The following NDRG3 variants were observed in gnomAD, a reference collection of about 807,000 sequenced individuals.
NDRG3 encodes protein NDRG3.
NDRG3 carries 23 observed loss-of-function variants against 57.2 expected under a neutral mutation model. The ratio of observed to expected loss-of-function variants is 0.40; its 90% CI spans 0.29 to 0.57. NDRG3 has a LOEUF of 0.57. NDRG3 is among the 20% of genes least tolerant of loss of function. The pLI is 0.42. For missense variants in NDRG3, 384 were observed against 457.3 expected (o/e 0.84, Z 1.46); for synonymous variants, 132 against 162.6 (o/e 0.81, Z 1.43).
At chr20:36,707,031 C>CA (rs1190563662) in intron 2 of NDRG3, 24 bp from the exon 3 acceptor site, 1 of 1,611,724 alleles carries the variant, frequency 6.2e-7, no homozygotes, top group East Asian at 2.2e-5. Context: ...ACAGAAAACA[C>CA]AGTCAGTTTC....
In NDRG3 at chr20:36,663,007, T is replaced by C. The variant is rs556187029; in HGVS notation, c.810+2039A>G. Among the ~76,000 whole-genome samples, 4 of 152,342 alleles carry C rather than the reference T, an allele frequency of 2.6e-5. No individual in the cohort carries two copies. The East Asian group carries it at 7.7e-4, about 29-fold the overall frequency. ...ATTAGGAATATTTTCTAAAAATATTTTCCTGTATTAAGTATATATGTTCAT... is the reference window on the plus strand; with the variant it reads ...ATTAGGAATATTTTCTAAAAATATTCTCCTGTATTAAGTATATATGTTCAT... On this transcript the variant is annotated intron_variant, in intron 12 of 15. Coordinates refer to ENST00000349004, the MANE Select transcript of NDRG3 (RefSeq NM_032013.4).
chr20:36,686,394 A>C (rs1441089345), intron 5 of NDRG3, among the ~76,000 whole-genome samples: 2 of 152,232 alleles, frequency 1.3e-5, no homozygotes, highest in Non-Finnish European at 2.9e-5. Flanking sequence ...GGTTGTGAGG[A>C]GTAAATGAGT....
intron 2 of NDRG3, among the ~76,000 whole-genome samples, chr20:36,715,739 G>A (rs1163651905): frequency 1.3e-5 from 2 of 151,074 alleles, no homozygotes; most frequent in African/African-American, 2.4e-5. Flanking sequence ...CCAAGTAGGT[G>A]GGAATTGCTT....
intron 3 of NDRG3, among the ~76,000 whole-genome samples, chr20:36,692,666 G>C (rs1982365350): frequency 6.6e-6 from 1 of 152,060 alleles, no homozygotes; most frequent in Non-Finnish European, 1.5e-5. Context: ...TATAATCTAA[G>C]GCTGGGGCCT....
intron 1 of NDRG3, among the ~76,000 whole-genome samples, chr20:36,732,660 A>G (rs1383341835): frequency 3.3e-5 from 5 of 152,100 alleles, no homozygotes; most frequent in African/African-American, 1.2e-4. Flanking sequence ...CACCAGCATG[A>G]GCCTTACTAC....
intron 1 of NDRG3, among the ~76,000 whole-genome samples, chr20:36,743,902 C>CTTTTTT (rs1188148076): frequency 3.4e-5 from 4 of 119,024 alleles, no homozygotes; most frequent in African/African-American, 7.3e-5. Flanking sequence ...CATAAACAAG[C>CTTTTTT]TTTTTTTTTT....
chr20:36,665,970 C>A (rs1005183822), intron 10 of NDRG3, among the ~76,000 whole-genome samples: 1 of 152,082 alleles, frequency 6.6e-6, no homozygotes, highest in Non-Finnish European at 1.5e-5. Flanking sequence ...GGGGTGTTTT[C>A]CTTGTAACTG....
chr20:36,712,336 TAAA>T (rs1983935011), intron 2 of NDRG3, among the ~76,000 whole-genome samples: 1 of 151,190 alleles, frequency 6.6e-6, no homozygotes, highest in Non-Finnish European at 1.5e-5. Context: ...GGGGGCATTC[TAAA>T]AGGCTGAGTA....
chr20:36,727,531 CTTTT>C (rs1985012498), intron 1 of NDRG3, among the ~76,000 whole-genome samples: 2 of 150,290 alleles, frequency 1.3e-5, no homozygotes, highest in South Asian at 2.1e-4. Context: ...TTCTTTCTTT[CTTTT>C]TTCTTTTCTT....
intron 5 of NDRG3, among the ~76,000 whole-genome samples, chr20:36,685,490 T>C (rs538753441): frequency 6.6e-6 from 1 of 152,132 alleles, no homozygotes; most frequent in South Asian, 2.1e-4. Flanking sequence ...TTTCAATTTT[T>C]TGTAGAGATG....
chr20:36,677,287 G>C (rs1404505296), intron 8 of NDRG3, among the ~76,000 whole-genome samples: 1 of 152,218 alleles, frequency 6.6e-6, no homozygotes, highest in Non-Finnish European at 1.5e-5. Context: ...CGCAGGCAGA[G>C]TCCTGGGCAG....
Position 36,679,796 on chromosome 20 carries a change from G to A in NDRG3, c.531+1020C>T, listed in dbSNP as rs1010265114. On this transcript the variant is annotated intron_variant, in intron 8 of 15. Coordinates refer to ENST00000349004, the MANE Select transcript of NDRG3 (RefSeq NM_032013.4). ...TGGAATTACAGGCGTGAGCCACCGC[G>A]CCTGGCCAAATTGTAATTTATTTAT... Among the ~76,000 whole-genome samples, 5 of 151,852 alleles carry A rather than the reference G, an allele frequency of 3.3e-5. No individual in the cohort carries two copies. In the South Asian group the frequency reaches 6.3e-4, roughly 19 times the overall value.
intron 3 of NDRG3, among the ~76,000 whole-genome samples, chr20:36,706,393 T>C (rs1327073659): frequency 6.6e-6 from 1 of 152,204 alleles, no homozygotes; most frequent in Non-Finnish European, 1.5e-5. Context: ...TCCAATATCA[T>C]GTGAGGAAAA....
At chr20:36,665,322 C>T in intron 10 of NDRG3, 21 bp from the exon 11 acceptor site, 1 of 1,612,876 alleles carries the variant, frequency 6.2e-7, no homozygotes, top group South Asian at 1.1e-5. Context: ...AAAGCAGAAG[C>T]AATGCCCTTT....
chr20:36,663,843 C>T (rs769619899), intron 12 of NDRG3, among the ~76,000 whole-genome samples: 7 of 152,108 alleles, frequency 4.6e-5, no homozygotes, highest in Non-Finnish European at 1.0e-4. Context: ...GAGTCTTTCT[C>T]TGTCTTGCCC....
chr20:36,721,151 C>T (rs1600952953), intron 2 of NDRG3, among the ~76,000 whole-genome samples: 1 of 151,960 alleles, frequency 6.6e-6, no homozygotes, highest in Admixed American at 6.6e-5. Flanking sequence ...ATACAAAAAT[C>T]TCAAAGATAA....
chr20:36,666,354 G>C lies in NDRG3; in HGVS notation c.627C>G (p.Tyr209Ter). ...LQANLDLIQT[Y>*]RMHIAQDINQ... is the part of the protein sequence containing the mutation. Reference sequence around the variant, plus strand: ...TGATGTCTTGGGCAATATGCATTCTGTAGGTTTGGATCAGGTCCAGGTTGG... The same window carrying C: ...TGATGTCTTGGGCAATATGCATTCTCTAGGTTTGGATCAGGTCCAGGTTGG... Residue 209 changes from tyrosine to a stop codon, truncating the protein, a stop_gained, in exon 10 of 16, where the codon TAC becomes TAG. Coordinates refer to ENST00000349004, the MANE Select transcript of NDRG3 (RefSeq NM_032013.4). LOFTEE classifies it high-confidence loss of function. 6.2e-7 allele frequency: 1 copy of C among 1,614,108 alleles called. No homozygotes were observed. Among genetic ancestry groups the C allele is most frequent in the Non-Finnish European group, 8.5e-7 (1 of 1,179,966 alleles).
At chr20:36,742,142 T>TC (rs1294186241) in intron 1 of NDRG3, among the ~76,000 whole-genome samples, 10 of 152,100 alleles carry the variant, frequency 6.6e-5, no homozygotes, top group Non-Finnish European at 1.5e-4. Context: ...ATACAGCTAG[T>TC]CCCCCTACCA....
chr20:36,739,203 C>A (rs1315711930), intron 1 of NDRG3, among the ~76,000 whole-genome samples: 2 of 134,730 alleles, frequency 1.5e-5, no homozygotes, highest in African/African-American at 2.8e-5. Flanking sequence ...AATCCCAGCA[C>A]TTTGGGAGGC....
Sources: allele counts gnomAD v4.1 joint callset (sites outside exome capture counted in the v4.1 genomes callset), GRCh38; gene constraint gnomAD v4.1.1; transcripts MANE v1.5; gene names NCBI Gene and HGNC (gene_info 2026-07-23, HGNC 2026-07-21).